The following BTBD9 variants were observed in gnomAD, a reference collection of about 807,000 sequenced individuals.
BTBD9 encodes BTB/POZ domain-containing protein 9.
BTBD9 carries 49 observed loss-of-function variants against 64.3 expected under a neutral mutation model. The observed-to-expected ratio is 0.76, with a 90% CI of 0.61 to 0.97. BTBD9 has a LOEUF of 0.97. Among genes scored for constraint, BTBD9 ranks in the 50% least tolerant of loss-of-function variants. BTBD9 has a pLI of 0.00. For missense variants in BTBD9, 598 were observed against 762.1 expected (o/e 0.78, Z 2.53); for synonymous variants, 260 against 274.7 (o/e 0.95, Z 0.53).
intron 1 of BTBD9, among the ~76,000 whole-genome samples, chr6:38,628,242 T>C (rs1019173762): frequency 3.3e-5 from 5 of 152,102 alleles, no homozygotes; most frequent in Admixed American, 3.3e-4. Flanking sequence ...ACATGAAACA[T>C]AAACAGAATC....
intron 3 of BTBD9, 61 bp from the exon 4 acceptor site, chr6:38,592,901 C>T (rs1776867781): frequency 6.5e-7 from 1 of 1,542,532 alleles, no homozygotes; most frequent in Admixed American, 1.7e-5. Context: ...CATGACCAAT[C>T]AGTAAAAGCT....
At chr6:38,610,199 G>A (rs76535295) in intron 1 of BTBD9, among the ~76,000 whole-genome samples, 2,385 of 152,312 alleles carry the variant, frequency 0.016, 44 homozygotes, top group African/African-American at 0.053. Flanking sequence ...CAGAAATGTT[G>A]TAACAGATAA....
In BTBD9 at chr6:38,276,930, T is replaced by C. The variant is rs530325661; in HGVS notation, c.1454+11342A>G. Among the ~76,000 whole-genome samples, 15 of 152,350 alleles carry C rather than the reference T, an allele frequency of 9.8e-5. No homozygotes were observed. The South Asian group carries it at 2.9e-3, about 29-fold the overall frequency. ...CCGTAAAATTTCTGATCTTGGAATGTTGTATGTATACAAGAAGAGCCAACT... is the reference window on the plus strand; with the variant it reads ...CCGTAAAATTTCTGATCTTGGAATGCTGTATGTATACAAGAAGAGCCAACT... On this transcript the variant is annotated intron_variant, in intron 8 of 10. Transcript: ENST00000481247.
At chr6:38,434,917 G>A (rs9462434) in intron 6 of BTBD9, among the ~76,000 whole-genome samples, 15,337 of 151,712 alleles carry the variant, frequency 0.1, 905 homozygotes, top group African/African-American at 0.13. Context: ...GTATTTGGCC[G>A]GGCACAGTGG....
chr6:38,309,968 G>GA (rs1267577513), intron 7 of BTBD9, among the ~76,000 whole-genome samples: 1 of 152,096 alleles, frequency 6.6e-6, no homozygotes, highest in Non-Finnish European at 1.5e-5. Context: ...CACTTTGGCA[G>GA]AATCTTCCTG....
chr6:38,367,981 C>T (rs932024761), intron 6 of BTBD9, among the ~76,000 whole-genome samples: 3 of 152,012 alleles, frequency 2.0e-5, no homozygotes, highest in African/African-American at 7.3e-5. Context: ...GAAAGGTGTG[C>T]TATAGCAATA....
At chr6:38,227,999 A>ACT (rs1763459019) in intron 9 of BTBD9, among the ~76,000 whole-genome samples, 1 of 152,074 alleles carries the variant, frequency 6.6e-6, no homozygotes, top group African/African-American at 2.4e-5. Flanking sequence ...TGGAGCACAC[A>ACT]CTCTGTATGA....
chr6:38,458,370 T>C (rs1582462416), intron 6 of BTBD9, among the ~76,000 whole-genome samples: 1 of 152,316 alleles, frequency 6.6e-6, no homozygotes, highest in East Asian at 1.9e-4. Flanking sequence ...CTCATGTTCC[T>C]AAAAACGCAA....
At chr6:38,577,741 C>T (rs1321262373) in intron 5 of BTBD9, 22 bp from the exon 6 acceptor site, 2 of 1,590,274 alleles carry the variant, frequency 1.3e-6, no homozygotes, top group African/African-American at 1.4e-5. Context: ...AAGGAAAAAG[C>T]AGAAAAAAAT....
rs114713905 is a variant in BTBD9 at position 38,397,458 on chromosome 6, G to A, written c.1155-52365C>T. 7.8e-3 allele frequency among the ~76,000 whole-genome samples: 1,190 copies of A among 152,264 alleles called. 9 individuals are homozygous for A. Among genetic ancestry groups the A allele is most frequent in the Non-Finnish European group, 0.013 (913 of 68,030 alleles). On this transcript the variant is annotated intron_variant, in intron 6 of 10. Coordinates refer to ENST00000481247, the MANE Select transcript of BTBD9 (RefSeq NM_001099272.2). ...AAGATGACGCCCAGCTTTGTGGATG[G>A]GGCAACTCATTGAGATGAGAACTTC...
intron 6 of BTBD9, among the ~76,000 whole-genome samples, chr6:38,565,657 G>C (rs568296314): frequency 2.0e-5 from 3 of 152,256 alleles, no homozygotes; most frequent in Admixed American, 2.0e-4. Context: ...TCAAAATAAT[G>C]ATAATGCCCA....
At chr6:38,496,655 T>TAAA (rs951014301) in intron 6 of BTBD9, among the ~76,000 whole-genome samples, 1 of 125,164 alleles carries the variant, frequency 8.0e-6, no homozygotes. Flanking sequence ...CCCTGTCTCT[T>TAAA]AAAAAAAAAA....
intron 9 of BTBD9, among the ~76,000 whole-genome samples, chr6:38,198,798 ATG>A (rs1401216680): frequency 4.6e-5 from 7 of 152,358 alleles, no homozygotes; most frequent in Non-Finnish European, 7.3e-5. Flanking sequence ...CATCAAATAT[ATG>A]TGTTATATAT....
chr6:38,421,320 C>A (rs180889159), intron 6 of BTBD9, among the ~76,000 whole-genome samples: 8 of 152,194 alleles, frequency 5.3e-5, no homozygotes, highest in Non-Finnish European at 4.4e-5. Flanking sequence ...CGCACCACTG[C>A]ACTCCAGCCT....
At chr6:38,262,514 A>C (rs1024714248) in intron 8 of BTBD9, among the ~76,000 whole-genome samples, 1 of 150,646 alleles carries the variant, frequency 6.6e-6, no homozygotes, top group Admixed American at 6.6e-5. Context: ...TTTTGCTTAC[A>C]TCTTCCATAA....
chr6:38,574,376 G>A (rs764669676), intron 6 of BTBD9, among the ~76,000 whole-genome samples: 6 of 152,074 alleles, frequency 3.9e-5, no homozygotes, highest in Admixed American at 2.6e-4. Context: ...AGATAGGCCG[G>A]TTGTTAAGAT....
intron 6 of BTBD9, among the ~76,000 whole-genome samples, chr6:38,424,643 A>G (rs900873204): frequency 3.4e-5 from 5 of 149,184 alleles, no homozygotes; most frequent in African/African-American, 1.2e-4. Flanking sequence ...CAGCCTCCCA[A>G]GCAGCTGGCA....
intron 6 of BTBD9, among the ~76,000 whole-genome samples, chr6:38,548,474 C>T (rs1194576145): frequency 2.0e-5 from 3 of 152,256 alleles, no homozygotes; most frequent in Non-Finnish European, 2.9e-5. Context: ...TTTGCCAACA[C>T]ATTTTTTCAA....
At chr6:38,510,669 C>G (rs535556571) in intron 6 of BTBD9, among the ~76,000 whole-genome samples, 1 of 152,240 alleles carries the variant, frequency 6.6e-6, no homozygotes, top group East Asian at 1.9e-4. Context: ...CCTTTATATC[C>G]TTATTCCATA....
Sources: gnomAD v4.1 joint callset for allele counts (sites outside exome capture counted in the v4.1 genomes callset) on GRCh38, gnomAD v4.1.1 for gene constraint, MANE v1.5 for transcripts, NCBI Gene and HGNC (gene_info 2026-07-23, HGNC 2026-07-21) for gene names.